COBL: variants seen among roughly 807,000 people sequenced by gnomAD.
The protein encoded by COBL is protein cordon-bleu.
In COBL, 51 loss-of-function variants were observed where a neutral mutation model predicts 98.8. That is an observed-to-expected ratio of 0.52 (90% CI 0.41 to 0.65). COBL has a LOEUF of 0.65. COBL is among the 30% of genes least tolerant of loss of function. COBL has a pLI of 0.00. For synonymous variants in COBL, 634 were observed against 651.7 expected (o/e 0.97, Z 0.41); for missense variants, 1,617 against 1,617.5 (o/e 1.00, Z 0.01).
intron 1 of COBL, chr7:51,259,733 T>C (rs1797548832): frequency 1.3e-6 from 1 of 742,990 alleles, no homozygotes; most frequent in Admixed American, 1.7e-5. Flanking sequence ...CCAGGCAGAC[T>C]TCAGATGTGG....
intron 5 of COBL, among the ~76,000 whole-genome samples, chr7:51,183,820 C>T (rs1401063384): frequency 6.6e-6 from 1 of 152,224 alleles, no homozygotes; most frequent in Non-Finnish European, 1.5e-5. Flanking sequence ...TACCGGAACA[C>T]CCACAGGCAG....
intron 12 of COBL, 150 bp from the exon 13 acceptor site, chr7:51,017,718 T>G: frequency 2.4e-6 from 2 of 819,950 alleles, no homozygotes; most frequent in Non-Finnish European, 2.0e-6. Flanking sequence ...GAAAGGAGGC[T>G]GTGATCAGGG....
intron 9 of COBL, among the ~76,000 whole-genome samples, chr7:51,030,101 C>T (rs1225293746): frequency 6.6e-6 from 1 of 152,212 alleles, no homozygotes; most frequent in African/African-American, 2.4e-5. Context: ...CTGCGGGACA[C>T]ACTATGGCTG....
chr7:51,027,289 T>A (rs1222917106), intron 10 of COBL, among the ~76,000 whole-genome samples: 5 of 152,268 alleles, frequency 3.3e-5, no homozygotes, highest in African/African-American at 1.2e-4. Flanking sequence ...ACTCCTGTGT[T>A]ACTGAAGAAT....
chr7:51,047,451 C>T (rs971387953), intron 7 of COBL, among the ~76,000 whole-genome samples: 13 of 152,328 alleles, frequency 8.5e-5, no homozygotes, highest in Admixed American at 8.5e-4. Context: ...CAATTATTCT[C>T]AGTTCGGTAC....
chr7:51,099,514 T>C (rs1398914128), intron 6 of COBL, among the ~76,000 whole-genome samples: 1 of 152,162 alleles, frequency 6.6e-6, no homozygotes, highest in African/African-American at 2.4e-5. Flanking sequence ...AATAATCGCA[T>C]AATTCCATTT....
intron 5 of COBL, among the ~76,000 whole-genome samples, chr7:51,177,811 T>TAAAC (rs1788538125): frequency 8.7e-6 from 1 of 115,482 alleles, no homozygotes; most frequent in South Asian, 2.7e-4. Context: ...AATAAATAAA[T>TAAAC]AAATAAAAAT....
At chr7:51,042,862 G>A (rs1003009671) in intron 8 of COBL, among the ~76,000 whole-genome samples, 8 of 152,152 alleles carry the variant, frequency 5.3e-5, no homozygotes, top group South Asian at 2.1e-4. Context: ...CACTGGCATC[G>A]GTGTGCAACA....
intron 1 of COBL, among the ~76,000 whole-genome samples, chr7:51,233,496 G>T (rs1794956810): frequency 6.6e-6 from 1 of 152,230 alleles, no homozygotes; most frequent in Non-Finnish European, 1.5e-5. Context: ...AAACCGAGTG[G>T]AAATCCTAAG....
At chr7:51,130,292 G>A (rs1798618513) in intron 6 of COBL, among the ~76,000 whole-genome samples, 1 of 152,148 alleles carries the variant, frequency 6.6e-6, no homozygotes, top group Admixed American at 6.6e-5. Context: ...TGGCTGAGGA[G>A]TGGCCATGAG....
chr7:51,033,573 G>T (rs956261507), intron 8 of COBL: 3 of 152,226 alleles, frequency 2.0e-5, no homozygotes, highest in Non-Finnish European at 4.4e-5. Flanking sequence ...TGGACAAGGC[G>T]GAGACAGAAA....
intron 1 of COBL, among the ~76,000 whole-genome samples, chr7:51,280,590 A>G (rs1049519889): frequency 3.9e-5 from 6 of 152,180 alleles, no homozygotes; most frequent in African/African-American, 1.4e-4. Context: ...CAGGGTAAAT[A>G]AAGCCTAGTT....
chr7:51,042,293 T>G (rs1352497525), intron 8 of COBL, among the ~76,000 whole-genome samples: 1 of 152,252 alleles, frequency 6.6e-6, no homozygotes, highest in African/African-American at 2.4e-5. Context: ...CTTAGAAATG[T>G]TCCATGTGTA....
chr7:51,185,455 C>T (rs1789398401), intron 4 of COBL, among the ~76,000 whole-genome samples: 1 of 152,174 alleles, frequency 6.6e-6, no homozygotes, highest in African/African-American at 2.4e-5. Context: ...GCTTCATCTG[C>T]AGGTTGAGGG....
intron 2 of COBL, among the ~76,000 whole-genome samples, chr7:51,215,898 C>A (rs558515679): frequency 6.6e-6 from 1 of 152,386 alleles, no homozygotes; most frequent in African/African-American, 2.4e-5. Flanking sequence ...GACCCAACAC[C>A]TGCTGCTGCA....
At chr7:51,049,310 T>C (rs1790015820) in intron 7 of COBL, among the ~76,000 whole-genome samples, 1 of 152,176 alleles carries the variant, frequency 6.6e-6, no homozygotes, top group South Asian at 2.1e-4. Flanking sequence ...CCAGTGAGTT[T>C]CCTGATGGGT....
chr7:51,057,318 G>A (rs148543393), intron 7 of COBL, among the ~76,000 whole-genome samples: 16 of 140,864 alleles, frequency 1.1e-4, no homozygotes, highest in Middle Eastern at 3.6e-3. Flanking sequence ...ATATATATGC[G>A]TGCACGCACA....
At chr7:51,199,228 C>T (rs1316976543) in intron 2 of COBL, among the ~76,000 whole-genome samples, 1 of 152,168 alleles carries the variant, frequency 6.6e-6, no homozygotes, top group Non-Finnish European at 1.5e-5. Flanking sequence ...CAAGCTCAGT[C>T]CCAACTGCAG....
At chr7:51,173,040 T>G (rs1250414421) in intron 5 of COBL, among the ~76,000 whole-genome samples, 1 of 151,438 alleles carries the variant, frequency 6.6e-6, no homozygotes. Context: ...CTGCCCACCT[T>G]GGCCTCCCAA....
Sources: gnomAD v4.1 joint callset for allele counts (sites outside exome capture counted in the v4.1 genomes callset) on GRCh38, gnomAD v4.1.1 for gene constraint, MANE v1.5 for transcripts, NCBI Gene and HGNC (gene_info 2026-07-23, HGNC 2026-07-21) for gene names.